The following MGAT1 variants were observed in gnomAD, a reference collection of about 807,000 sequenced individuals.
The protein encoded by MGAT1 is alpha-1,3-mannosyl-glycoprotein 2-beta-N-acetylglucosaminyltransferase.
MGAT1 carries 14 observed loss-of-function variants against 31.7 expected under a neutral mutation model. The ratio of observed to expected loss-of-function variants is 0.44; its 90% CI spans 0.29 to 0.69. The LOEUF (loss-of-function observed/expected upper bound fraction) is 0.69, where lower values mean the gene tolerates loss of function less well. MGAT1 is among the 30% of genes least tolerant of loss of function. The pLI, the probability that MGAT1 is intolerant of heterozygous loss-of-function variation, is 0.12. For synonymous variants in MGAT1, 338 were observed against 276.0 expected, an observed-to-expected ratio of 1.22 and a Z score of -2.23; for missense variants, 557 against 626.0, an observed-to-expected ratio of 0.89 and a Z score of 1.18.
chr5:180,805,640 C>T (rs1771748547), upstream of MGAT1, among the ~76,000 whole-genome samples: 1 of 152,018 alleles, frequency 6.6e-6, no homozygotes, highest in East Asian at 1.9e-4. Context: ...GTCCCAGCTA[C>T]TCGGGAGGCT....
rs1767497769 is a variant in MGAT1 at position 180,785,324 on chromosome 5, A to G, written c.*6310T>C. ...ACTGTTGCTCAGCAAACTCCCGCAGAACTCAGCAGCTTAAAATACCCGTTT... is the reference window on the plus strand; with the variant it reads ...ACTGTTGCTCAGCAAACTCCCGCAGGACTCAGCAGCTTAAAATACCCGTTT... On this transcript the variant is annotated 3_prime_UTR_variant, in exon 2 of 2. Transcript: ENST00000307826. The G allele has an allele frequency of 6.6e-6, 1 of 152,284 alleles. No homozygotes were observed. Among genetic ancestry groups the G allele is most frequent in the African/African-American group, 2.4e-5 (1 of 41,474 alleles). 9.4% of individuals were successfully genotyped at this position (152,284 alleles called of 1,614,324 possible).
In MGAT1 at chr5:180,790,082, G is replaced by C. The variant is rs913699670; in HGVS notation, c.*1552C>G. 2.6e-5 allele frequency: 4 copies of C among 152,214 alleles called. No homozygotes were observed. Among genetic ancestry groups the C allele is most frequent in the African/African-American group, 9.7e-5 (4 of 41,430 alleles). The allele number at this position is 152,214 out of a possible 1,614,324, so 9.4% of individuals were successfully genotyped here. ...TTTGGGAGTCCAAGCGCCACTGTGA[G>C]GCCAACCCTGGTATCAGCTGTGTAC... On this transcript the variant is annotated 3_prime_UTR_variant, in exon 2 of 2. Coordinates refer to ENST00000307826, the MANE Select transcript of MGAT1 (RefSeq NM_002406.4).
rs558996354 is a variant in MGAT1 at position 180,813,793 on chromosome 5, C to T, written c.-546+1621G>A. Among the ~76,000 whole-genome samples, 112 of 152,328 alleles carry T rather than the reference C, an allele frequency of 7.4e-4. No homozygotes were observed. The Middle Eastern group carries it at 0.017, about 23-fold the overall frequency. On this transcript the variant is annotated intron_variant, in intron 1 of 2. Coordinates refer to the MGAT1 transcript ENST00000333055. The stretch of plus-strand genomic sequence containing the variant: ...AGAAGCAGCAGTAAAATGGCCTCTG[C>T]TGTCTTCTGCCTTTCAAGTCTAACT...
At chr5:180,813,497 T>G (rs1039729747) in intron 1 of MGAT1, among the ~76,000 whole-genome samples, 4 of 152,246 alleles carry the variant, frequency 2.6e-5, no homozygotes, top group Admixed American at 2.6e-4. Flanking sequence ...ATGTGCTCTT[T>G]TGACATTGCA....
rs753531912 is a variant in MGAT1, at chr5:180,791,783, A to C, written c.1189T>G (p.Phe397Val). The C allele has an allele frequency of 5.0e-6, 8 of 1,613,922 alleles. No individual in the cohort carries two copies. The African/African-American group carries it at 9.3e-5, about 19-fold the overall frequency. The change falls in exon 2 of 2, where the codon TTC becomes GTC. Residue 397 changes from phenylalanine to valine, a missense_variant. Around this residue, in one of 3 missense-constraint regions of MGAT1, gnomAD observed 145 missense variants for 143.2 expected, o/e 1.01. Transcript: ENST00000307826. The part of the protein sequence containing the change: ...QYTGRDSFKA[F>V]AKALGVMDDL... ...TCCATGACACCCAGAGCCTTGGCGA[A>C]AGCCTTGAAGCTGTCCCTGCCCGTA...
At chr5:180,801,236 G>C (rs556371348) in intron 1 of MGAT1, among the ~76,000 whole-genome samples, 1 of 152,220 alleles carries the variant, frequency 6.6e-6, no homozygotes, top group African/African-American at 2.4e-5. Flanking sequence ...GTGAACACCA[G>C]ATAGTCAACT....
intron 1 of MGAT1, among the ~76,000 whole-genome samples, chr5:180,799,542 G>GA (rs1437227493): frequency 6.6e-6 from 1 of 152,082 alleles, no homozygotes; most frequent in Non-Finnish European, 1.5e-5. Context: ...TCCTCCTTAG[G>GA]AAAAAAGACT....
rs1017934005 is a variant in MGAT1 at position 180,785,384 on chromosome 5, G to A, written c.*6250C>T. The A allele has an allele frequency of 2.0e-5, 3 of 152,238 alleles. No individual in the cohort carries two copies. Among genetic ancestry groups the A allele is most frequent in the African/African-American group, 7.2e-5 (3 of 41,450 alleles). 9.4% of individuals were successfully genotyped at this position (152,238 alleles called of 1,614,324 possible). On this transcript the variant is annotated 3_prime_UTR_variant, in exon 2 of 2. Coordinates refer to ENST00000307826, the MANE Select transcript of MGAT1 (RefSeq NM_002406.4). ...CACCATTTGTGAGTCAGAAATTCAGGCAGCCCTCGGCTGGGCAGTAGTTGC... is the reference window on the plus strand; with the variant it reads ...CACCATTTGTGAGTCAGAAATTCAGACAGCCCTCGGCTGGGCAGTAGTTGC...
intron 1 of MGAT1, among the ~76,000 whole-genome samples, chr5:180,800,380 G>C (rs1770475087): frequency 6.6e-6 from 1 of 152,226 alleles, no homozygotes; most frequent in Non-Finnish European, 1.5e-5. Context: ...GTGCAGCACA[G>C]AGGAGATGAC....
chr5:180,798,040 C>T (rs551148440), intron 1 of MGAT1, among the ~76,000 whole-genome samples: 2 of 152,308 alleles, frequency 1.3e-5, no homozygotes, highest in Non-Finnish European at 2.9e-5. Flanking sequence ...CCTGCTTCTC[C>T]AGGAAGCACT....
At chr5:180,810,947 G>C (rs1000828057) in intron 1 of MGAT1, 2 of 152,232 alleles carry the variant, frequency 1.3e-5, no homozygotes, top group African/African-American at 4.8e-5. Context: ...GCTGCCGGGA[G>C]GAGGGCTGCC....
chr5:180,802,507 G>C (rs1771057107), intron 1 of MGAT1, among the ~76,000 whole-genome samples, 173 bp downstream of exon 1: 1 of 152,224 alleles, frequency 6.6e-6, no homozygotes, highest in South Asian at 2.1e-4. Flanking sequence ...GGCTCGGGAA[G>C]GGACTAACGC....
rs1767713254 is a variant in MGAT1, at chr5:180,788,250, C to T, written c.*3384G>A. 1 of 152,362 alleles carries T rather than the reference C, an allele frequency of 6.6e-6. No individual in the cohort carries two copies. Among genetic ancestry groups the T allele is most frequent in the Non-Finnish European group, 1.5e-5 (1 of 68,166 alleles). The allele number at this position is 152,362 out of a possible 1,614,324, so 9.4% of individuals were successfully genotyped here. ...ATACCAGGAGACCCCTGAAGGTGCT[C>T]CTTGCTTCAGGAGCCTGAGAACCCA... On this transcript the variant is annotated 3_prime_UTR_variant, in exon 2 of 2. Coordinates refer to ENST00000307826, the MANE Select transcript of MGAT1 (RefSeq NM_002406.4).
At chr5:180,807,298 C>T (rs995772803), upstream of MGAT1, among the ~76,000 whole-genome samples, 2 of 152,208 alleles carry the variant, frequency 1.3e-5, no homozygotes, top group Admixed American at 1.3e-4. Context: ...CCATACCCTA[C>T]TGTCTCTCAA....
In MGAT1 at chr5:180,788,251, C is replaced by A. The variant is rs1036274018; in HGVS notation, c.*3383G>T. ...TACCAGGAGACCCCTGAAGGTGCTCCTTGCTTCAGGAGCCTGAGAACCCAG... is the reference window on the plus strand; with the variant it reads ...TACCAGGAGACCCCTGAAGGTGCTCATTGCTTCAGGAGCCTGAGAACCCAG... On this transcript the variant is annotated 3_prime_UTR_variant, in exon 2 of 2. Coordinates refer to ENST00000307826, the MANE Select transcript of MGAT1 (RefSeq NM_002406.4). The A allele has an allele frequency of 6.6e-6, 1 of 152,332 alleles. No homozygotes were observed. The highest frequency in any genetic ancestry group is 2.4e-5 in the African/African-American group (1 of 41,448). 9.4% of individuals were successfully genotyped at this position (152,332 alleles called of 1,614,324 possible). A position where few individuals can be genotyped will look rare whatever the true frequency, so the allele number is the denominator to read the frequency against.
At chr5:180,806,824 A>T (rs1432594808), upstream of MGAT1, among the ~76,000 whole-genome samples, 1 of 152,254 alleles carries the variant, frequency 6.6e-6, no homozygotes, top group African/African-American at 2.4e-5. Context: ...GAGATGGCTG[A>T]GGAGGCACCG....
At chr5:180,799,489 C>T (rs1210434558) in intron 1 of MGAT1, among the ~76,000 whole-genome samples, 3 of 152,178 alleles carry the variant, frequency 2.0e-5, no homozygotes, top group Non-Finnish European at 4.4e-5. Context: ...ACTCTCTCCA[C>T]GCTGTAACAG....
intron 1 of MGAT1, chr5:180,810,124 G>A (rs1327095273): frequency 2.7e-5 from 4 of 146,042 alleles, no homozygotes; most frequent in Admixed American, 6.8e-5. Context: ...CCCCAGCGCT[G>A]GCCCAGGCCC....
At chr5:180,813,391 T>G (rs1367727763) in intron 1 of MGAT1, among the ~76,000 whole-genome samples, 3 of 152,254 alleles carry the variant, frequency 2.0e-5, no homozygotes, top group Non-Finnish European at 4.4e-5. Context: ...CATCTTTGTC[T>G]TATTCATTTG....
Sources: allele counts gnomAD v4.1 joint callset (sites outside exome capture counted in the v4.1 genomes callset), GRCh38; gene constraint gnomAD v4.1.1; regional missense constraint gnomAD v4.1.1; transcripts MANE v1.5; gene names NCBI Gene and HGNC (gene_info 2026-07-23, HGNC 2026-07-21).